NEU3: variants seen among roughly 807,000 people sequenced by gnomAD.
NEU3 encodes sialidase-3.
In NEU3, 10 loss-of-function variants were observed where a neutral mutation model predicts 11.4. That is an observed-to-expected ratio of 0.88 (90% CI 0.54 to 1.49). The LOEUF is 1.49. NEU3 is among the 40% of genes most tolerant of loss of function. The probability of loss-of-function intolerance (pLI) is 0.00; values close to 1 mark genes in which losing one functional copy is unlikely to be tolerated. For synonymous variants in NEU3, 212 were observed against 228.2 expected (o/e 0.93, Z 0.64); for missense variants, 529 against 581.8 (o/e 0.91, Z 0.93).
At chr11:74,982,540 C>G in the NEU3 span, among the ~76,000 whole-genome samples, 2 of 152,044 alleles carry the variant, frequency 1.3e-5, no homozygotes, top group Non-Finnish European at 2.9e-5. Flanking sequence ...TCTAGAACTT[C>G]TGATCCCTCT....
At chr11:74,982,296 A>G in the NEU3 span, among the ~76,000 whole-genome samples, 1 of 152,168 alleles carries the variant, frequency 6.6e-6, no homozygotes, top group Non-Finnish European at 1.5e-5. Flanking sequence ...GCAGACCCCA[A>G]GTTTGGTAGT....
chr11:74,994,019 G>GA (rs997233203), intron 1 of NEU3, among the ~76,000 whole-genome samples: 551 of 146,918 alleles, frequency 3.8e-3, no homozygotes, highest in Non-Finnish European at 5.9e-3. Flanking sequence ...GATCTACTAG[G>GA]AAAAAAAAAA....
At chr11:75,018,026 CT>C (rs1305672838) in intron 3 of NEU3, among the ~76,000 whole-genome samples, 7 of 152,004 alleles carry the variant, frequency 4.6e-5, no homozygotes, top group Non-Finnish European at 8.8e-5. Context: ...AGTTTTAGCA[CT>C]TTTTTTAAGC....
At chr11:74,984,156 G>T (rs574165289), upstream of NEU3, among the ~76,000 whole-genome samples, 161 of 152,312 alleles carry the variant, frequency 1.1e-3, no homozygotes, top group African/African-American at 3.7e-3. Context: ...GGTGCATATC[G>T]TTGGGAGACA....
At chr11:75,011,036 C>CT (rs1428191714), downstream of NEU3, 1 of 152,008 alleles carries the variant, frequency 6.6e-6, no homozygotes, top group Non-Finnish European at 1.5e-5. Flanking sequence ...CTCTCAGAAA[C>CT]TTTACTAATG....
chr11:74,988,871 C>T, upstream of NEU3: 1 of 586,938 alleles, frequency 1.7e-6, no homozygotes, highest in African/African-American at 2.0e-5. Flanking sequence ...AACGGTTGGC[C>T]CCAACCGCCA....
chr11:75,006,030 C>G lies in NEU3; in HGVS notation c.924C>G (p.Pro308=), dbSNP rs960209662. The G allele has an allele frequency of 9.9e-6, 16 of 1,613,836 alleles. No individual in the cohort carries two copies. The highest frequency in any genetic ancestry group is 1.4e-5 in the Non-Finnish European group (16 of 1,179,894). ...CCCTGAGTCGACAGCTCTGTGAGCC[C>G]CCACATGGTTGCCAAGGGAGTGTGG... ...RLALSRQLCE[P]PHGCQGSVVS... The change falls in exon 3 of 3, where the codon CCC becomes CCG. Residue 308 remains proline, a synonymous_variant. Coordinates refer to ENST00000294064, the MANE Select transcript of NEU3 (RefSeq NM_006656.6).
chr11:74,983,891 G>A (rs1948652573), upstream of NEU3, among the ~76,000 whole-genome samples: 1 of 152,196 alleles, frequency 6.6e-6, no homozygotes, highest in East Asian at 1.9e-4. Flanking sequence ...GCTTTCTAAG[G>A]TAGATCCTGA....
At chr11:75,005,236 T>C (rs1948885175) in intron 2 of NEU3, among the ~76,000 whole-genome samples, 177 bp from the exon 3 acceptor site, 1 of 152,232 alleles carries the variant, frequency 6.6e-6, no homozygotes, top group Non-Finnish European at 1.5e-5. Context: ...ATTGTCTCTT[T>C]CCAGCTTTGT....
chr11:74,990,082 A>G (rs1948713989), intron 1 of NEU3: 1 of 687,942 alleles, frequency 1.5e-6, no homozygotes, highest in Non-Finnish European at 2.7e-6. Flanking sequence ...TATAGTGATA[A>G]TAAAGCATAA....
upstream of NEU3, chr11:74,988,774 TCCCACGCCGTGGTG>T: frequency 2.2e-6 from 1 of 457,982 alleles, no homozygotes; most frequent in East Asian, 4.6e-5. Context: ...GTGGTGCCGG[TCCCACGCCGTGGTG>T]GGGACCGAGC....
chr11:75,017,970 T>C (rs1444814788), intron 3 of NEU3, among the ~76,000 whole-genome samples: 2 of 152,170 alleles, frequency 1.3e-5, no homozygotes, highest in Non-Finnish European at 2.9e-5. Context: ...ATGCTTGCAA[T>C]GAAGAGGAGC....
chr11:75,010,480 A>G lies in NEU3; in HGVS notation c.*3988A>G, dbSNP rs1206608192. On this transcript the variant is annotated 3_prime_UTR_variant, in exon 3 of 3. Coordinates refer to ENST00000294064, the MANE Select transcript of NEU3 (RefSeq NM_006656.6). ...TGTTGCATCCCTTTGTAGATTGTGTAGCATTCAAAACCTGCTGAACACTCA... is the reference window on the plus strand; with the variant it reads ...TGTTGCATCCCTTTGTAGATTGTGTGGCATTCAAAACCTGCTGAACACTCA... 6.6e-6 allele frequency: 1 copy of G among 152,194 alleles called. No individual in the cohort carries two copies. Among genetic ancestry groups the G allele is most frequent in the Non-Finnish European group, 1.5e-5 (1 of 68,038 alleles). The allele number at this position is 152,194 out of a possible 1,614,324, so 9.4% of individuals were successfully genotyped here. A position where few individuals can be genotyped will look rare whatever the true frequency, so the allele number is the denominator to read the frequency against.
upstream of NEU3, among the ~76,000 whole-genome samples, chr11:74,985,063 A>T (rs772927051): frequency 6.6e-6 from 1 of 152,214 alleles, no homozygotes; most frequent in African/African-American, 2.4e-5. Context: ...CAGGCATAAG[A>T]TGAGACCATC....
At chr11:74,989,605 A>G (rs1013625972) in intron 1 of NEU3, among the ~76,000 whole-genome samples, 4 of 152,146 alleles carry the variant, frequency 2.6e-5, no homozygotes, top group African/African-American at 9.7e-5. Context: ...GGTGCTCCTT[A>G]AATATTACTT....
At chr11:75,001,475 G>T (rs563519659) in intron 2 of NEU3, among the ~76,000 whole-genome samples, 59 of 151,742 alleles carry the variant, frequency 3.9e-4, no homozygotes, top group African/African-American at 1.3e-3. Flanking sequence ...TAGAGACAGG[G>T]TTTCACCATG....
At chr11:74,983,739 G>A (rs1327305477), upstream of NEU3, among the ~76,000 whole-genome samples, 3 of 152,204 alleles carry the variant, frequency 2.0e-5, no homozygotes, top group Admixed American at 6.5e-5. Context: ...TCATTGGCCA[G>A]GGTGGTTATG....
At chr11:75,003,232 G>A (rs1948863986) in intron 2 of NEU3, among the ~76,000 whole-genome samples, 1 of 152,084 alleles carries the variant, frequency 6.6e-6, no homozygotes, top group Admixed American at 6.6e-5. Context: ...TTACATGACA[G>A]TTTACCAGGC....
At chr11:74,984,389 G>T (rs1208170744), upstream of NEU3, among the ~76,000 whole-genome samples, 1 of 152,128 alleles carries the variant, frequency 6.6e-6, no homozygotes, top group African/African-American at 2.4e-5. Context: ...GTATCATCTG[G>T]CTCTCTGCGT....
Sources: allele counts gnomAD v4.1 joint callset (sites outside exome capture counted in the v4.1 genomes callset), GRCh38; gene constraint gnomAD v4.1.1; transcripts MANE v1.5; gene names NCBI Gene and HGNC (gene_info 2026-07-23, HGNC 2026-07-21).